LRRC7: variants seen among roughly 807,000 people sequenced by gnomAD.
The protein encoded by LRRC7 is leucine-rich repeat-containing protein 7.
LRRC7 carries 23 observed loss-of-function variants against 175.7 expected under a neutral mutation model. The observed-to-expected ratio is 0.13, with a 90% CI of 0.09 to 0.19. LRRC7 has a LOEUF of 0.19. Ranked by LOEUF, LRRC7 falls within the 10% of genes least tolerant of loss-of-function variation. The pLI is 1.00. For synonymous variants in LRRC7, 685 were observed against 680.9 expected (o/e 1.01, Z -0.09); for missense variants, 1,354 against 1,904.7 (o/e 0.71, Z 5.38).
rs1273940240 is a variant in LRRC7 at position 69,608,846 on chromosome 1, CTCTCTCTCTCTCTCTCTCTCTA to C, written c.2+40207_2+40228del. Among the ~76,000 whole-genome samples the C allele has an allele frequency of 4.3e-3, 231 of 53,496 alleles. 1 individual carries two copies. Among genetic ancestry groups the C allele is most frequent in the Admixed American group, 0.013 (55 of 4,200 alleles). 35.1% of individuals were successfully genotyped at this position (53,496 alleles called of 152,430 possible). The stretch of plus-strand genomic sequence containing the variant: ...TCTCTCTCTCTCTCTCTCTCTCTCT[CTCTCTCTCTCTCTCTCTCTCTA>C]TATATATATATATATATATATATAT... On this transcript the variant is annotated intron_variant, in intron 1 of 26. Transcript: ENST00000651989.
At chr1:69,805,764 G>A (rs940726077) in intron 4 of LRRC7, among the ~76,000 whole-genome samples, 3 of 151,626 alleles carry the variant, frequency 2.0e-5, no homozygotes, top group African/African-American at 7.3e-5. Flanking sequence ...GCTTAATGCT[G>A]GAACTTTTAA....
chr1:69,939,013 A>C (rs1349471331), intron 8 of LRRC7, among the ~76,000 whole-genome samples: 2 of 125,622 alleles, frequency 1.6e-5, no homozygotes, highest in East Asian at 2.6e-4. Flanking sequence ...ATATATATAT[A>C]TCTATATATA....
At chr1:70,046,280 T>C (rs1002655245) in intron 22 of LRRC7, among the ~76,000 whole-genome samples, 8 of 152,136 alleles carry the variant, frequency 5.3e-5, no homozygotes, top group African/African-American at 1.9e-4. Context: ...AGCATATTAA[T>C]TTCCTGATGT....
At chr1:69,925,722 C>G (rs1248382889) in intron 7 of LRRC7, among the ~76,000 whole-genome samples, 2 of 152,066 alleles carry the variant, frequency 1.3e-5, no homozygotes, top group Non-Finnish European at 2.9e-5. Context: ...AGCGGTCTAT[C>G]AATTTTGTTG....
At chr1:70,003,644 A>G (rs1306961999) in intron 11 of LRRC7, among the ~76,000 whole-genome samples, 1 of 152,188 alleles carries the variant, frequency 6.6e-6, no homozygotes, top group East Asian at 1.9e-4. Context: ...CAAAACCACT[A>G]ATGATATCCA....
intron 2 of LRRC7, among the ~76,000 whole-genome samples, chr1:69,759,270 TTAAATACATACTATA>T (rs564129916): frequency 9.3e-4 from 141 of 152,170 alleles, no homozygotes; most frequent in Middle Eastern, 3.4e-3. Flanking sequence ...ACAATTGTTG[TTAAATACATACTATA>T]TATCAAGTAC....
intron 25 of LRRC7, among the ~76,000 whole-genome samples, chr1:70,101,709 A>G (rs661765): frequency 0.61 from 93,080 of 152,050 alleles, 28,888 homozygotes; most frequent in Middle Eastern, 0.68. Flanking sequence ...CATTATGAGT[A>G]CTTCTGGAAT....
At chr1:69,875,867 CAT>C (rs1010895635) in intron 7 of LRRC7, among the ~76,000 whole-genome samples, 2 of 151,436 alleles carry the variant, frequency 1.3e-5, no homozygotes, top group African/African-American at 4.8e-5. Flanking sequence ...TTTGGCTAAA[CAT>C]ATTCAGTAAA....
At chr1:69,919,774 G>C in intron 7 of LRRC7, 2 of 926,502 alleles carry the variant, frequency 2.2e-6, no homozygotes, top group East Asian at 2.4e-5. Flanking sequence ...TTGCGCGGCG[G>C]ACGGGGGAGA....
intron 7 of LRRC7, among the ~76,000 whole-genome samples, chr1:69,928,754 G>A (rs551690694): frequency 6.8e-4 from 103 of 152,286 alleles, no homozygotes; most frequent in African/African-American, 1.1e-3. Context: ...GACCCCTTGC[G>A]CTTCCCAAGT....
intron 8 of LRRC7, among the ~76,000 whole-genome samples, chr1:69,945,190 G>A (rs1356075662): frequency 6.6e-6 from 1 of 151,938 alleles, no homozygotes; most frequent in African/African-American, 2.4e-5. Context: ...TTGCATATGG[G>A]GTGGAATAAT....
At position 69,909,728 on chromosome 1, in the gene LRRC7, T is replaced by G. The variant is rs377683678; in HGVS notation, c.648-21779T>G. On this transcript the variant is annotated intron_variant, in intron 7 of 26. Transcript: ENST00000651989. ...ATTTTTTCCTTCATTTCAACTTTGG[T>G]GAACTTGACAATTATGTGTCTTGGA... Among the ~76,000 whole-genome samples the G allele has an allele frequency of 7.9e-5, 12 of 152,226 alleles. No individual in the cohort carries two copies. In the East Asian group the frequency reaches 1.7e-3, roughly 22 times the overall value.
intron 25 of LRRC7, among the ~76,000 whole-genome samples, chr1:70,094,567 A>G (rs1664257277): frequency 6.6e-6 from 1 of 152,182 alleles, no homozygotes; most frequent in Admixed American, 6.5e-5. Flanking sequence ...TATTGCCTCC[A>G]GATGCCCAAA....
chr1:69,773,817 C>T (rs564722513), intron 3 of LRRC7, among the ~76,000 whole-genome samples: 52 of 152,226 alleles, frequency 3.4e-4, no homozygotes, highest in African/African-American at 1.2e-3. Context: ...ATTTAAGGAC[C>T]TTAAAGCACA....
At chr1:69,819,111 G>A (rs1316632743) in intron 4 of LRRC7, among the ~76,000 whole-genome samples, 1 of 151,956 alleles carries the variant, frequency 6.6e-6, no homozygotes, top group African/African-American at 2.4e-5. Context: ...TATTTGTTGG[G>A]TTTGTTCTTA....
At chr1:70,010,656 C>T (rs1656423334) in intron 11 of LRRC7, among the ~76,000 whole-genome samples, 1 of 152,206 alleles carries the variant, frequency 6.6e-6, no homozygotes, top group Admixed American at 6.5e-5. Context: ...ATCTTCACCC[C>T]TGGGGGTTCC....
At chr1:69,670,335 C>G (rs1658894585) in intron 1 of LRRC7, among the ~76,000 whole-genome samples, 1 of 152,166 alleles carries the variant, frequency 6.6e-6, no homozygotes, top group African/African-American at 2.4e-5. Flanking sequence ...CATAGAGGTA[C>G]TACCTTAGTT....
chr1:70,051,678 G>A (rs1014891911), intron 22 of LRRC7, among the ~76,000 whole-genome samples: 1 of 148,634 alleles, frequency 6.7e-6, no homozygotes, highest in Admixed American at 6.7e-5. Context: ...CATACTTTTT[G>A]ATAGGCTTAT....
rs1035156892 is a variant in LRRC7, at chr1:69,826,812, T to C, written c.500+986T>C. Among the ~76,000 whole-genome samples the C allele has an allele frequency of 6.6e-5, 10 of 152,162 alleles. No homozygotes were observed. In the South Asian group the frequency reaches 1.2e-3, roughly 19 times the overall value. On this transcript the variant is annotated intron_variant, in intron 5 of 26. Transcript: ENST00000651989. The stretch of plus-strand genomic sequence containing the variant: ...TTAGAAGAAGACATAAATAAATTTG[T>C]CAAAGGGAAGTTGATGGGAAATTTT...
Sources: allele counts gnomAD v4.1 joint callset (sites outside exome capture counted in the v4.1 genomes callset), GRCh38; gene constraint gnomAD v4.1.1; transcripts MANE v1.5; gene names NCBI Gene and HGNC (gene_info 2026-07-23, HGNC 2026-07-21).